Variants in LDLRAP1 observed in about 807,000 individuals in gnomAD.
The protein encoded by LDLRAP1 is low density lipoprotein receptor adaptor protein 1, also known as low density lipoprotein receptor adapter protein 1.
In LDLRAP1, 30 loss-of-function variants were observed where a neutral mutation model predicts 37.8. That is an observed-to-expected ratio of 0.79 (90% CI 0.59 to 1.08). The LOEUF (loss-of-function observed/expected upper bound fraction) is 1.08. Ranked by LOEUF, LDLRAP1 falls within the 50% of genes least tolerant of loss-of-function variation. LDLRAP1 has a pLI of 0.00. For missense variants in LDLRAP1, 375 were observed against 401.6 expected, an observed-to-expected ratio of 0.93 and a Z score of 0.57; for synonymous variants, 156 against 169.8, an observed-to-expected ratio of 0.92 and a Z score of 0.63.
At chr1:25,548,664 A>T (rs113863073) in intron 1 of LDLRAP1, among the ~76,000 whole-genome samples, 91 of 150,662 alleles carry the variant, frequency 6.0e-4, no homozygotes, top group Non-Finnish European at 1.1e-3. Context: ...GGATACTCCT[A>T]TTGTCCCTGT....
chr1:25,589,247 T>C, the LDLRAP1 span, among the ~76,000 whole-genome samples: 2,857 of 149,560 alleles, frequency 0.019, 89 homozygotes, highest in African/African-American at 0.067. Context: ...GAGGTTGCAG[T>C]GGGCCGAGAT....
At chr1:25,559,525 A>G (rs766027809) in intron 4 of LDLRAP1, among the ~76,000 whole-genome samples, 2 of 152,210 alleles carry the variant, frequency 1.3e-5, no homozygotes, top group African/African-American at 2.4e-5. Context: ...CCAGACACCC[A>G]AACTCTTCAT....
chr1:25,575,495 T>G, the LDLRAP1 span, among the ~76,000 whole-genome samples: 4 of 149,440 alleles, frequency 2.7e-5, no homozygotes, highest in African/African-American at 9.9e-5. Flanking sequence ...CTCAGGAGAC[T>G]GAGGTGGGAA....
chr1:25,557,494 C>T (rs1225435569), intron 4 of LDLRAP1: 5 of 585,732 alleles, frequency 8.5e-6, no homozygotes, highest in Non-Finnish European at 1.5e-5. Flanking sequence ...CAGTAGCTGG[C>T]CCATGTCCCC....
the LDLRAP1 span, among the ~76,000 whole-genome samples, chr1:25,585,287 C>T: frequency 6.6e-6 from 1 of 151,968 alleles, no homozygotes; most frequent in African/African-American, 2.4e-5. Context: ...TGAGAGCACG[C>T]AGCAGGTGTG....
At chr1:25,566,359 T>C (rs1379981660) in intron 8 of LDLRAP1, among the ~76,000 whole-genome samples, 1 of 152,256 alleles carries the variant, frequency 6.6e-6, no homozygotes, top group Non-Finnish European at 1.5e-5. Context: ...ACCTCTTCCA[T>C]TGACTGCCTA....
At position 25,568,633 on chromosome 1, in the gene LDLRAP1, C is replaced by T. The variant is rs1002228086; in HGVS notation, c.*1641C>T. ...TTCCTTGCCCCTGCTCTGTAGCCAC[C>T]TCCTTGGCACCGGCCTCTATTTGTC... On this transcript the variant is annotated 3_prime_UTR_variant, in exon 9 of 9. Coordinates refer to ENST00000374338, the MANE Select transcript of LDLRAP1 (RefSeq NM_015627.3). 2 of 152,274 alleles carry T rather than the reference C, an allele frequency of 1.3e-5. No homozygotes were observed. The highest frequency in any genetic ancestry group is 4.8e-5 in the African/African-American group (2 of 41,472). The allele number at this position is 152,274 out of a possible 1,614,324, so 9.4% of individuals were successfully genotyped here. A position where few individuals can be genotyped will look rare whatever the true frequency, so the allele number is the denominator to read the frequency against.
chr1:25,549,158 C>T (rs1284743889), intron 1 of LDLRAP1, among the ~76,000 whole-genome samples: 2 of 152,252 alleles, frequency 1.3e-5, no homozygotes, highest in South Asian at 2.1e-4. Context: ...GTACTTTTCA[C>T]GTCCAGAAAC....
chr1:25,585,149 C>T, the LDLRAP1 span, among the ~76,000 whole-genome samples: 4 of 152,148 alleles, frequency 2.6e-5, no homozygotes, highest in Non-Finnish European at 5.9e-5. Flanking sequence ...GTGGCAACAG[C>T]AACATTTATA....
At chr1:25,564,906 C>A in intron 7 of LDLRAP1, 1 of 504,582 alleles carries the variant, frequency 2.0e-6, no homozygotes, top group East Asian at 3.4e-5. Context: ...GGGCAGGTAG[C>A]ATGGACCAGG....
rs1169842003 is a variant in LDLRAP1, at chr1:25,555,011, T to C, written c.344+39T>C. 2 of 1,424,706 alleles carry C rather than the reference T, an allele frequency of 1.4e-6. No individual in the cohort carries two copies. The highest frequency in any genetic ancestry group is 2.0e-6 in the Non-Finnish European group (2 of 1,008,794). The allele number at this position is 1,424,706 out of a possible 1,614,324, so 88.3% of individuals were successfully genotyped here. A position where few individuals can be genotyped will look rare whatever the true frequency, so the allele number is the denominator to read the frequency against. On this transcript the variant is annotated intron_variant, in intron 3 of 8. Coordinates refer to ENST00000374338, the MANE Select transcript of LDLRAP1 (RefSeq NM_015627.3). This position sits in a 1 kb window ranked among gnomAD's most constrained non-coding sequence, Gnocchi z 4.7. ...GGGGTTGGCCCATCCACTCTGCCAC[T>C]TGGGGCAGTGGGTGGAGTATCCCAT...
At chr1:25,557,963 G>T (rs1394588831) in intron 4 of LDLRAP1, among the ~76,000 whole-genome samples, 2 of 152,052 alleles carry the variant, frequency 1.3e-5, no homozygotes, top group Admixed American at 6.5e-5. Context: ...TAGAGTGGGG[G>T]TTTAAACCCA....
At chr1:25,581,938 C>T in the LDLRAP1 span, among the ~76,000 whole-genome samples, 1 of 152,200 alleles carries the variant, frequency 6.6e-6, no homozygotes, top group African/African-American at 2.4e-5. Flanking sequence ...GAGTCCTTGG[C>T]CAGCTTCCTG....
intron 8 of LDLRAP1, among the ~76,000 whole-genome samples, 182 bp from the exon 9 acceptor site, chr1:25,566,666 T>C (rs2044489173): frequency 6.6e-6 from 1 of 152,148 alleles, no homozygotes; most frequent in African/African-American, 2.4e-5. Flanking sequence ...CCCTGACTTT[T>C]CTGAGCTGTT....
In LDLRAP1 at chr1:25,563,109, A is replaced by G. The variant is rs1473770819; in HGVS notation, c.572A>G (p.Asp191Gly). The G allele has an allele frequency of 6.2e-7, 1 of 1,613,860 alleles. No individual in the cohort carries two copies. Among genetic ancestry groups the G allele is most frequent in the Non-Finnish European group, 8.5e-7 (1 of 1,179,996 alleles). The stretch of plus-strand genomic sequence containing the variant: ...GACAAAGCCAGCCAAGAGGGAGGGG[A>G]CGTCCTGGGGGCCCGCCAAGACTGC... ...KRDKASQEGG[D>G]VLGARQDCTP... Residue 191 changes from aspartate to glycine, a missense_variant, in exon 6 of 9, where the codon GAC (aspartate) becomes GGC (glycine). Asp to Gly is a moderately conservative substitution (Grantham distance 94, BLOSUM62 -1). Coordinates refer to ENST00000374338, the MANE Select transcript of LDLRAP1 (RefSeq NM_015627.3).
rs149714510 is a variant in LDLRAP1 at position 25,558,114 on chromosome 1, G to A, written c.459+847G>A. 7.0e-4 allele frequency among the ~76,000 whole-genome samples: 106 copies of A among 152,304 alleles called. 1 individual carries two copies. Among genetic ancestry groups the A allele is most frequent in the Admixed American group, 2.9e-3 (44 of 15,308 alleles). On this transcript the variant is annotated intron_variant, in intron 4 of 8. Coordinates refer to ENST00000374338, the MANE Select transcript of LDLRAP1 (RefSeq NM_015627.3). ...TTTGTCCTGAATTTGGGGGCAAGAA[G>A]TGGAGTGGGTCAACCTTTGGCATTG...
At chr1:25,580,663 C>T in the LDLRAP1 span, among the ~76,000 whole-genome samples, 3 of 152,128 alleles carry the variant, frequency 2.0e-5, no homozygotes, top group South Asian at 4.1e-4. Flanking sequence ...TGTGAGCCAC[C>T]ATACCTGGCT....
the LDLRAP1 span, among the ~76,000 whole-genome samples, chr1:25,589,874 G>A: frequency 3.9e-5 from 6 of 152,196 alleles, no homozygotes; most frequent in African/African-American, 7.2e-5. Context: ...AGGCCGAGGC[G>A]AGCGGATCAT....
At chr1:25,543,871 T>A in intron 1 of LDLRAP1, 85 bp downstream of exon 1, 1 of 883,592 alleles carries the variant, frequency 1.1e-6, no homozygotes, top group Non-Finnish European at 1.5e-6. Context: ...TGCGGCCAAG[T>A]TGGGCAGAGG....
Sources: allele counts gnomAD v4.1 joint callset (sites outside exome capture counted in the v4.1 genomes callset), GRCh38; gene constraint gnomAD v4.1.1; non-coding constraint Gnocchi (gnomAD v3.1); transcripts MANE v1.5; gene names NCBI Gene and HGNC (gene_info 2026-07-23, HGNC 2026-07-21).